Variants in ZNF148 observed in about 807,000 individuals in gnomAD.
ZNF148 encodes zinc finger protein 148.
Under a neutral mutation model 67.7 loss-of-function variants are expected in ZNF148, and 7 were observed. That is an observed-to-expected ratio of 0.10 (90% CI 0.06 to 0.19). ZNF148 has a LOEUF of 0.19. Ranked by LOEUF, ZNF148 falls within the 10% of genes least tolerant of loss-of-function variation. The probability of loss-of-function intolerance (pLI) is 1.00; values close to 1 mark genes in which losing one functional copy is unlikely to be tolerated. For synonymous variants in ZNF148, 333 were observed against 330.7 expected (o/e 1.01, Z -0.08); for missense variants, 583 against 947.1 (o/e 0.62, Z 5.05).
intron 7 of ZNF148, among the ~76,000 whole-genome samples, chr3:125,237,362 G>C (rs574180103): frequency 1.3e-5 from 2 of 152,226 alleles, no homozygotes; most frequent in South Asian, 4.2e-4. Flanking sequence ...TGGGTGAACT[G>C]CTTGAGCTCA....
rs993419239 is a variant in ZNF148 at position 125,287,976 on chromosome 3, AC to A, written c.459+126del. 2.2e-5 allele frequency: 29 copies of A among 1,325,856 alleles called. No homozygotes were observed. In the African/African-American group the frequency reaches 3.4e-4, roughly 15 times the overall value. 82.1% of individuals were successfully genotyped at this position (1,325,856 alleles called of 1,614,324 possible). On this transcript the variant is annotated intron_variant, in intron 5 of 8. Transcript: ENST00000360647. Reference sequence around the variant, plus strand: ...GCCCACCACCTCCATGCAGGCACGCACCCCCTCCTACTAAACCACACAAGAC... The same window carrying A: ...GCCCACCACCTCCATGCAGGCACGCACCCCTCCTACTAAACCACACAAGAC...
intron 4 of ZNF148, among the ~76,000 whole-genome samples, chr3:125,312,610 G>T (rs1401260806): frequency 1.3e-5 from 2 of 152,114 alleles, no homozygotes; most frequent in Non-Finnish European, 2.9e-5. Flanking sequence ...ATGACTGAGG[G>T]TAATATCTCA....
chr3:125,313,728 A>G lies in ZNF148; in HGVS notation c.-16-72T>C. On this transcript the variant is annotated intron_variant, in intron 3 of 8. Coordinates refer to ENST00000360647, the MANE Select transcript of ZNF148 (RefSeq NM_021964.3). ...TGACTACTTCATTTTAAATTTTCAA[A>G]TTAAGAATTTGAACATTCAAATACA... is the stretch of plus-strand genomic sequence containing the variant. 3 of 1,247,188 alleles carry G rather than the reference A, an allele frequency of 2.4e-6. No homozygotes were observed. In the South Asian group the frequency reaches 4.7e-5, roughly 20 times the overall value. The allele number at this position is 1,247,188 out of a possible 1,614,324, so 77.3% of individuals were successfully genotyped here. A position where few individuals can be genotyped will look rare whatever the true frequency, so the allele number is the denominator to read the frequency against.
chr3:125,247,323 T>A (rs561712658), intron 7 of ZNF148, among the ~76,000 whole-genome samples: 1 of 152,338 alleles, frequency 6.6e-6, no homozygotes, highest in East Asian at 1.9e-4. Flanking sequence ...GTTTAAAAAA[T>A]TATTTTTTCT....
intron 4 of ZNF148, 58 bp from the exon 5 acceptor site, chr3:125,288,286 A>T: frequency 6.5e-7 from 1 of 1,531,310 alleles, no homozygotes; most frequent in South Asian, 1.2e-5. Context: ...TTGTGACAAA[A>T]GGCCATTTTA....
chr3:125,353,205 A>G (rs944111439), intron 1 of ZNF148, among the ~76,000 whole-genome samples: 5 of 152,190 alleles, frequency 3.3e-5, no homozygotes, highest in Admixed American at 1.3e-4. Context: ...TACAAAGTAT[A>G]CATACATAAA....
chr3:125,306,319 A>G (rs1278556781), intron 4 of ZNF148, among the ~76,000 whole-genome samples: 3 of 152,188 alleles, frequency 2.0e-5, no homozygotes, highest in African/African-American at 7.2e-5. Context: ...AACAAAAGTT[A>G]AAGTGAATAG....
chr3:125,288,027 C>A, intron 5 of ZNF148, 76 bp downstream of exon 5: 1 of 1,598,894 alleles, frequency 6.3e-7, no homozygotes, highest in South Asian at 1.1e-5. Context: ...TAGGGTCCAG[C>A]CAGGTTCTTG....
intron 7 of ZNF148, among the ~76,000 whole-genome samples, chr3:125,253,434 CT>C (rs1015822553): frequency 1.3e-5 from 2 of 151,248 alleles, no homozygotes; most frequent in East Asian, 1.9e-4. Context: ...TCTTTCTTTA[CT>C]TTTTTTTTGT....
intron 7 of ZNF148, among the ~76,000 whole-genome samples, chr3:125,276,260 TA>T (rs1938056648): frequency 6.6e-6 from 1 of 152,144 alleles, no homozygotes; most frequent in African/African-American, 2.4e-5. Flanking sequence ...ACAAAATCTA[TA>T]AATTTTTTTC....
intron 5 of ZNF148, among the ~76,000 whole-genome samples, chr3:125,281,744 C>T (rs533904637): frequency 2.2e-4 from 34 of 152,318 alleles, no homozygotes; most frequent in South Asian, 8.3e-4. Context: ...CTACCACTGC[C>T]TTGTGGATAA....
intron 1 of ZNF148, among the ~76,000 whole-genome samples, chr3:125,368,926 CAG>C (rs959590871): frequency 1.4e-5 from 2 of 143,044 alleles, no homozygotes; most frequent in African/African-American, 2.7e-5. Context: ...GCCTGGGTGA[CAG>C]AGAGAGGCTC....
At chr3:125,318,633 G>C (rs796775286) in intron 3 of ZNF148, among the ~76,000 whole-genome samples, 7 of 152,144 alleles carry the variant, frequency 4.6e-5, no homozygotes, top group African/African-American at 9.7e-5. Context: ...AGAGACCTTA[G>C]GCAGCTGACA....
intron 3 of ZNF148, among the ~76,000 whole-genome samples, chr3:125,322,102 T>C (rs1476881711): frequency 7.2e-6 from 1 of 138,250 alleles, no homozygotes; most frequent in East Asian, 2.2e-4. Flanking sequence ...CCATCTCAGC[T>C]CACTGCAAGC....
intron 4 of ZNF148, among the ~76,000 whole-genome samples, chr3:125,298,618 ATTTTTTTTT>A (rs11312460): frequency 9.7e-6 from 1 of 102,658 alleles, no homozygotes; most frequent in Non-Finnish European, 1.8e-5. Context: ...TTTATATTAA[ATTTTTTTTT>A]TTTTTTTTTT....
chr3:125,236,780 C>G (rs1019741574), intron 7 of ZNF148, among the ~76,000 whole-genome samples: 2 of 152,144 alleles, frequency 1.3e-5, no homozygotes, highest in Non-Finnish European at 2.9e-5. Context: ...GCAACAGGCT[C>G]AAAGCTTGCC....
At chr3:125,313,786 C>A in intron 3 of ZNF148, 130 bp from the exon 4 acceptor site, 1 of 715,954 alleles carries the variant, frequency 1.4e-6, no homozygotes, top group Non-Finnish European at 2.2e-6. Flanking sequence ...GAACTGCCTC[C>A]AATTTTAAAA....
At chr3:125,308,056 G>A (rs772243955) in intron 4 of ZNF148, among the ~76,000 whole-genome samples, 3 of 152,072 alleles carry the variant, frequency 2.0e-5, no homozygotes, top group Admixed American at 2.0e-4. Context: ...TCATTGTTTT[G>A]TAGGCCCCAG....
intron 1 of ZNF148, chr3:125,356,901 A>G (rs763354112): frequency 1.3e-5 from 2 of 152,232 alleles, no homozygotes; most frequent in Non-Finnish European, 2.9e-5. Context: ...GTTTTTTAAT[A>G]TAAGGATACA....
Sources: allele counts gnomAD v4.1 joint callset (sites outside exome capture counted in the v4.1 genomes callset), GRCh38; gene constraint gnomAD v4.1.1; transcripts MANE v1.5; gene names NCBI Gene and HGNC (gene_info 2026-07-23, HGNC 2026-07-21).